GPC5: variants seen among roughly 807,000 people sequenced by gnomAD.
The protein encoded by GPC5 is glypican 5, also known as glypican-5.
A neutral mutation model predicts 53.9 loss-of-function variants in GPC5; 47 were observed. That is an observed-to-expected ratio of 0.87 (90% CI 0.69 to 1.11). The LOEUF is 1.11. Ranked by LOEUF, GPC5 falls within the 50% of genes most tolerant of loss-of-function variation. The pLI, the probability that GPC5 is intolerant of heterozygous loss-of-function variation, is 0.00. For synonymous variants in GPC5, 286 were observed against 263.3 expected, an observed-to-expected ratio of 1.09 and a Z score of -0.84; for missense variants, 748 against 713.1, an observed-to-expected ratio of 1.05 and a Z score of -0.56.
chr13:91,911,492 A>ACCACTGC (rs2039610040), intron 6 of GPC5, among the ~76,000 whole-genome samples: 1 of 152,158 alleles, frequency 6.6e-6, no homozygotes, highest in Non-Finnish European at 1.5e-5. Flanking sequence ...TCAGTGAGCC[A>ACCACTGC]AGATGGCACC....
chr13:91,877,389 A>G (rs1454363236), intron 5 of GPC5, among the ~76,000 whole-genome samples: 1 of 152,220 alleles, frequency 6.6e-6, no homozygotes, highest in African/African-American at 2.4e-5. Context: ...CCACAGGGGC[A>G]GAGCTGCCCA....
chr13:92,236,002 A>G (rs1190671124), intron 7 of GPC5, among the ~76,000 whole-genome samples: 1 of 152,092 alleles, frequency 6.6e-6, no homozygotes, highest in East Asian at 1.9e-4. Context: ...CTGATGACTC[A>G]GGTAGAATAG....
At chr13:92,828,232 A>G (rs1038411717) in intron 7 of GPC5, among the ~76,000 whole-genome samples, 5 of 152,128 alleles carry the variant, frequency 3.3e-5, no homozygotes, top group Non-Finnish European at 5.9e-5. Flanking sequence ...CACAAAATAA[A>G]GAAGCTGCTC....
chr13:92,159,652 G>C (rs1423294577), intron 7 of GPC5, among the ~76,000 whole-genome samples: 3 of 138,484 alleles, frequency 2.2e-5, no homozygotes, highest in Admixed American at 7.9e-5. Flanking sequence ...GCCCAGGCTG[G>C]AGTGCAGTGG....
At chr13:91,920,810 T>A (rs553057428) in intron 6 of GPC5, among the ~76,000 whole-genome samples, 1 of 152,004 alleles carries the variant, frequency 6.6e-6, no homozygotes, top group Non-Finnish European at 1.5e-5. Flanking sequence ...TCTGAAAGCA[T>A]GTACTCAGTT....
chr13:91,862,380 A>G (rs1326463745), intron 5 of GPC5, among the ~76,000 whole-genome samples: 1 of 152,180 alleles, frequency 6.6e-6, no homozygotes, highest in Non-Finnish European at 1.5e-5. Context: ...TCCAGGAAAC[A>G]TCTGATAGTA....
intron 5 of GPC5, among the ~76,000 whole-genome samples, chr13:91,850,029 C>T (rs1172997750): frequency 6.6e-6 from 1 of 152,142 alleles, no homozygotes; most frequent in Non-Finnish European, 1.5e-5. Context: ...CAAACTGGCA[C>T]TTAATTATAA....
At position 91,917,865 on chromosome 13, in the gene GPC5, C is replaced by T. The variant is rs991695801; in HGVS notation, c.1401+9808C>T. 5.3e-5 allele frequency among the ~76,000 whole-genome samples: 8 copies of T among 152,270 alleles called. No homozygotes were observed. In the South Asian group the frequency reaches 1.7e-3, roughly 32 times the overall value. ...CTAGGAAGTTCCAAAATTCCCACAT[C>T]ATCTGTCTTCTTCTGAGCCCTCCAA... On this transcript the variant is annotated intron_variant, in intron 6 of 7. Coordinates refer to ENST00000377067, the MANE Select transcript of GPC5 (RefSeq NM_004466.6).
intron 7 of GPC5, among the ~76,000 whole-genome samples, chr13:92,335,754 T>C (rs2043317918): frequency 6.6e-6 from 1 of 152,156 alleles, no homozygotes; most frequent in Non-Finnish European, 1.5e-5. Context: ...ATAGCAAGAG[T>C]GAACTTTCCT....
chr13:92,388,941 C>T (rs190742553), intron 7 of GPC5, among the ~76,000 whole-genome samples: 5 of 152,148 alleles, frequency 3.3e-5, no homozygotes, highest in African/African-American at 7.2e-5. Context: ...TTGTCTTGAT[C>T]AACCAGAGTA....
intron 7 of GPC5, among the ~76,000 whole-genome samples, chr13:92,219,581 G>A (rs1176438730): frequency 6.6e-6 from 1 of 152,104 alleles, no homozygotes. Flanking sequence ...CATGGCAGAT[G>A]AGAAATTGAA....
intron 7 of GPC5, among the ~76,000 whole-genome samples, chr13:92,608,304 A>G (rs543469499): frequency 6.6e-4 from 101 of 152,286 alleles, no homozygotes; most frequent in Admixed American, 1.6e-3. Context: ...AGTCCTTTCC[A>G]AGAGCTGTGA....
intron 5 of GPC5, among the ~76,000 whole-genome samples, chr13:91,871,194 A>T (rs2039140236): frequency 6.6e-6 from 1 of 152,180 alleles, no homozygotes; most frequent in African/African-American, 2.4e-5. Context: ...AATTTTAGAT[A>T]TTCTGATTAA....
At chr13:91,914,063 G>A (rs561193502) in intron 6 of GPC5, among the ~76,000 whole-genome samples, 1 of 152,124 alleles carries the variant, frequency 6.6e-6, no homozygotes, top group South Asian at 2.1e-4. Flanking sequence ...AAACTTCTTG[G>A]TCATATTATG....
chr13:92,735,038 G>A (rs1179137291), intron 7 of GPC5, among the ~76,000 whole-genome samples: 1 of 151,714 alleles, frequency 6.6e-6, no homozygotes, highest in East Asian at 1.9e-4. Context: ...CTGTGCTTTG[G>A]AATAAAAAAA....
At chr13:91,759,853 A>G (rs1566666043) in intron 5 of GPC5, among the ~76,000 whole-genome samples, 1 of 152,162 alleles carries the variant, frequency 6.6e-6, no homozygotes, top group African/African-American at 2.4e-5. Context: ...AAATAATTAA[A>G]CAAAATTAAC....
chr13:91,554,359 A>G (rs1382467422), intron 2 of GPC5, among the ~76,000 whole-genome samples: 1 of 151,948 alleles, frequency 6.6e-6, no homozygotes, highest in African/African-American at 2.4e-5. Context: ...ACAGGCACAT[A>G]TATGTACACA....
intron 4 of GPC5, among the ~76,000 whole-genome samples, chr13:91,752,297 C>T (rs984773969): frequency 1.2e-4 from 19 of 152,084 alleles, no homozygotes; most frequent in Admixed American, 1.2e-3. Flanking sequence ...GTTGTCCAGG[C>T]TGGTCTCCAA....
chr13:91,923,180 A>G (rs1262114638), intron 6 of GPC5, among the ~76,000 whole-genome samples: 3 of 152,314 alleles, frequency 2.0e-5, no homozygotes, highest in African/African-American at 2.4e-5. Context: ...TTTGCCATAC[A>G]TAGCTTTTGA....
Sources: allele counts gnomAD v4.1 joint callset (sites outside exome capture counted in the v4.1 genomes callset), GRCh38; gene constraint gnomAD v4.1.1; transcripts MANE v1.5; gene names NCBI Gene and HGNC (gene_info 2026-07-23, HGNC 2026-07-21).